PATJ: variants seen among roughly 807,000 people sequenced by gnomAD.
PATJ encodes the protein PATJ crumbs cell polarity complex component, also known as inaD-like protein.
In PATJ, 190 loss-of-function variants were observed where a neutral mutation model predicts 224.9. That is an observed-to-expected ratio of 0.84 (90% confidence interval 0.75 to 0.95). The LOEUF (loss-of-function observed/expected upper bound fraction) is 0.95. PATJ is among the 40% of genes least tolerant of loss of function. The pLI, the probability that PATJ is intolerant of heterozygous loss-of-function variation, is 0.00. For synonymous variants in PATJ, 769 were observed against 820.3 expected, an observed-to-expected ratio of 0.94 and a Z score of 1.07; for missense variants, 2,121 against 2,270.3, an observed-to-expected ratio of 0.93 and a Z score of 1.34.
intron 29 of PATJ, among the ~76,000 whole-genome samples, chr1:62,029,988 C>T (rs1271862519): frequency 6.6e-6 from 1 of 152,090 alleles, no homozygotes; most frequent in Non-Finnish European, 1.5e-5. Flanking sequence ...GGGTAGTTTT[C>T]ACAGTTGAGA....
rs1434271837 is a variant in PATJ at position 62,158,012 on chromosome 1, GTTTTA to G, written c.5503-2888_5503-2884del. Among the ~76,000 whole-genome samples the G allele has an allele frequency of 3.4e-5, 5 of 148,696 alleles. 1 individual carries two copies. Among genetic ancestry groups the G allele is most frequent in the African/African-American group, 9.7e-5 (4 of 41,156 alleles). On this transcript the variant is annotated intron_variant, in intron 43 of 43. Transcript: ENST00000642238. ...AGCCATGAACTTGGTTGTCACTAGTGTTTTATTTTATTATATTACCACCACGTTGA... is the reference window on the plus strand; with the variant it reads ...AGCCATGAACTTGGTTGTCACTAGTGTTTTATTATATTACCACCACGTTGA...
intron 42 of PATJ, among the ~76,000 whole-genome samples, chr1:62,150,061 C>T (rs1668465725): frequency 2.0e-5 from 3 of 152,114 alleles, no homozygotes; most frequent in African/African-American, 7.2e-5. Flanking sequence ...CTTCTCATTC[C>T]AGTATCTTTG....
intron 20 of PATJ, among the ~76,000 whole-genome samples, chr1:61,871,412 TAC>T (rs1553185926): frequency 9.7e-6 from 1 of 103,096 alleles, no homozygotes; most frequent in African/African-American, 3.4e-5. Flanking sequence ...TGTATATATA[TAC>T]ATATATATGT....
chr1:62,129,981 G>A (rs192386621), intron 41 of PATJ, among the ~76,000 whole-genome samples: 1 of 152,124 alleles, frequency 6.6e-6, no homozygotes, highest in African/African-American at 2.4e-5. Flanking sequence ...AAAGAATAAA[G>A]CCCACCACTT....
In PATJ at chr1:61,769,396, T is replaced by C. The variant is rs1332589176; in HGVS notation, c.498T>C (p.Asp166=). The C allele has an allele frequency of 3.7e-6, 6 of 1,614,018 alleles. No homozygotes were observed. Among genetic ancestry groups the C allele is most frequent in the Non-Finnish European group, 5.1e-6 (6 of 1,180,010 alleles). The stretch of plus-strand genomic sequence containing the variant: ...GAAAAGTTGATATCTTCGTGAAGGA[T>C]GTCCAGCCAGGGAGTGTAGCAGACA... ...NLGKVDIFVK[D]VQPGSVADRD... is the part of the protein sequence containing the mutation. Residue 166 remains aspartate (D), a synonymous_variant, in exon 5 of 44, where the codon GAT becomes GAC. Coordinates refer to ENST00000642238, the MANE Select transcript of PATJ (RefSeq NM_001350145.3).
intron 39 of PATJ, among the ~76,000 whole-genome samples, chr1:62,125,254 C>CAAAAAAAAAAAAAAAAAAAAAAA (rs779305398): frequency 1.4e-5 from 1 of 71,418 alleles, no homozygotes; most frequent in Non-Finnish European, 2.6e-5. Flanking sequence ...AAAAAAAAAA[C>CAAAAAAAAAAAAAAAAAAAAAAA]AAAAAAAAAC....
intron 21 of PATJ, 169 bp downstream of exon 21, chr1:61,875,535 G>T (rs550335237): frequency 3.9e-6 from 2 of 508,640 alleles, no homozygotes; most frequent in African/African-American, 4.0e-5. Context: ...GAATAAACAT[G>T]CCTCAGATTT....
chr1:61,947,038 C>T (rs1678838546), intron 27 of PATJ, among the ~76,000 whole-genome samples: 1 of 152,160 alleles, frequency 6.6e-6, no homozygotes, highest in South Asian at 2.1e-4. Context: ...TAAAAACTCT[C>T]AATAAACTAG....
At chr1:62,096,613 G>C (rs1263429187) in intron 33 of PATJ, among the ~76,000 whole-genome samples, 1 of 152,040 alleles carries the variant, frequency 6.6e-6, no homozygotes, top group Non-Finnish European at 1.5e-5. Context: ...GACAAGACTG[G>C]TGTCACTCAT....
chr1:61,981,577 A>G (rs1289069321), intron 27 of PATJ, among the ~76,000 whole-genome samples: 2 of 151,928 alleles, frequency 1.3e-5, no homozygotes, highest in African/African-American at 4.8e-5. Context: ...CTGTGTTTTT[A>G]TGGACAGTCC....
chr1:62,143,321 T>C (rs984161734), intron 41 of PATJ, among the ~76,000 whole-genome samples: 1 of 152,058 alleles, frequency 6.6e-6, no homozygotes, highest in Non-Finnish European at 1.5e-5. Flanking sequence ...AAAAGTGAAT[T>C]GAAGGAGATG....
rs781746068 is a variant in PATJ at position 61,884,212 on chromosome 1, ACTGTCATCTGGATTTGCTCTT to A, written c.2960-23_2960-3del. On this transcript the variant is annotated splice_polypyrimidine_tract_variant and splice_region_variant and intron_variant, in intron 21 of 43. Transcript: ENST00000642238. The stretch of plus-strand genomic sequence containing the variant: ...AGGAGAATGAGTGCCTCTTGTGTTC[ACTGTCATCTGGATTTGCTCTT>A]CAGGCATGATCCCGAATGATGTCCA... 1 of 1,558,212 alleles carries A rather than the reference ACTGTCATCTGGATTTGCTCTT, an allele frequency of 6.4e-7. No homozygotes were observed. The highest frequency in any genetic ancestry group is 1.3e-5 in the South Asian group (1 of 79,970).
intron 21 of PATJ, among the ~76,000 whole-genome samples, chr1:61,876,303 T>C (rs1667323924): frequency 6.6e-6 from 1 of 152,184 alleles, no homozygotes; most frequent in African/African-American, 2.4e-5. Context: ...TATCTAAGAT[T>C]AGATGAATCT....
intron 22 of PATJ, among the ~76,000 whole-genome samples, chr1:61,886,556 A>G (rs1668866479): frequency 6.6e-6 from 1 of 152,102 alleles, no homozygotes; most frequent in Non-Finnish European, 1.5e-5. Context: ...CTGGTGGCTC[A>G]TGCCTGTAAT....
chr1:61,851,944 C>T (rs1051194919), intron 17 of PATJ, among the ~76,000 whole-genome samples: 4 of 151,672 alleles, frequency 2.6e-5, no homozygotes, highest in African/African-American at 4.8e-5. Context: ...GAGGCCAAGG[C>T]GGGAGGATCA....
At chr1:62,051,595 G>T (rs1005497793) in intron 31 of PATJ, among the ~76,000 whole-genome samples, 4 of 152,170 alleles carry the variant, frequency 2.6e-5, no homozygotes, top group Non-Finnish European at 5.9e-5. Context: ...CCAAAGTGCT[G>T]GGTTTACAGA....
intron 26 of PATJ, among the ~76,000 whole-genome samples, chr1:61,922,051 A>T (rs181219123): frequency 1.2e-4 from 18 of 151,672 alleles, no homozygotes; most frequent in African/African-American, 4.1e-4. Flanking sequence ...TATTATTTTT[A>T]TTTTTTTTCA....
At chr1:62,011,572 G>A (rs544397561) in intron 28 of PATJ, among the ~76,000 whole-genome samples, 8 of 152,096 alleles carry the variant, frequency 5.3e-5, no homozygotes, top group Admixed American at 3.3e-4. Flanking sequence ...ATCACATATC[G>A]CCATAACAGA....
chr1:61,795,522 C>T lies in PATJ; in HGVS notation c.1224C>T (p.His408=), dbSNP rs777621436. The change falls in exon 10 of 44, where the codon CAC becomes CAT. Residue 408 remains histidine (H), a synonymous_variant. Coordinates refer to ENST00000642238, the MANE Select transcript of PATJ (RefSeq NM_001350145.3). ...KSIIPGSAAY[H]NGHIQVNDKI... ...TAATACCTGGCAGTGCTGCGTACCACAATGGCCACATTCAAGTGAATGACA... is the reference window on the plus strand; with the variant it reads ...TAATACCTGGCAGTGCTGCGTACCATAATGGCCACATTCAAGTGAATGACA... 3 of 1,610,668 alleles carry T rather than the reference C, an allele frequency of 1.9e-6. No individual in the cohort carries two copies. In the South Asian group the frequency reaches 3.3e-5, roughly 18 times the overall value.
Sources: allele counts gnomAD v4.1 joint callset (sites outside exome capture counted in the v4.1 genomes callset), GRCh38; gene constraint gnomAD v4.1.1; transcripts MANE v1.5; gene names NCBI Gene and HGNC (gene_info 2026-07-23, HGNC 2026-07-21).